Variants in CSF2RA observed in about 807,000 individuals in gnomAD.
CSF2RA encodes the protein granulocyte-macrophage colony-stimulating factor receptor subunit alpha.
A neutral mutation model predicts 51.6 loss-of-function variants in CSF2RA; 42 were observed. That is an observed-to-expected ratio of 0.81 (90% CI 0.64 to 1.05). The LOEUF (loss-of-function observed/expected upper bound fraction) is 1.05, where lower values mean the gene tolerates loss of function less well. Ranked by LOEUF, CSF2RA falls within the 50% of genes least tolerant of loss-of-function variation. The pLI, the probability that CSF2RA is intolerant of heterozygous loss-of-function variation, is 0.00. For missense variants in CSF2RA, 530 were observed against 501.1 expected (o/e 1.06, Z -0.55); for synonymous variants, 222 against 193.0 (o/e 1.15, Z -1.24).
chrX:1,317,025 C>G, the CSF2RA span, among the ~76,000 whole-genome samples: 1 of 151,952 alleles, frequency 6.6e-6, no homozygotes, highest in African/African-American at 2.4e-5. Flanking sequence ...CGGCTCACTG[C>G]AAGCTCCGCT....
chrX:1,285,541 A>G, intron 3 of CSF2RA: 1 of 571,404 alleles, frequency 1.8e-6, no homozygotes, highest in Non-Finnish European at 3.1e-6. Context: ...CTAAAAATAC[A>G]AAAATTAGCT....
intron 11 of CSF2RA, among the ~76,000 whole-genome samples, chrX:1,304,552 A>G (rs2083352875): frequency 1.3e-5 from 2 of 151,690 alleles, no homozygotes; most frequent in South Asian, 4.2e-4. Context: ...GGGAGTCTGA[A>G]GTCACTGCTG....
intron 2 of CSF2RA, among the ~76,000 whole-genome samples, chrX:1,279,551 G>T (rs28482952): frequency 0.31 from 46,311 of 150,850 alleles, 8,077 homozygotes; most frequent in Non-Finnish European, 0.4. Context: ...GGTGCCACAG[G>T]AGAGTCTGTC....
chrX:1,316,287 TAGATAGATAGATAGATAGAC>T, the CSF2RA span, among the ~76,000 whole-genome samples: 238 of 148,482 alleles, frequency 1.6e-3, no homozygotes, highest in African/African-American at 4.7e-3. Flanking sequence ...GATAGATAGA[TAGATAGATAGATAGATAGAC>T]AGACAGACAG....
Position 1,309,436 on chromosome X carries a change from A to G in CSF2RA, c.1160A>G (p.Lys387Arg), listed in dbSNP as rs1468402822. ...GAGGAATTCACCCCAGAGGAAGGGAAAGGCTACCGCGAAGAGGTCTTGACC... is the reference window on the plus strand; with the variant it reads ...GAGGAATTCACCCCAGAGGAAGGGAGAGGCTACCGCGAAGAGGTCTTGACC... The part of the protein sequence containing the change: ...IWEEFTPEEG[K>R]GYREEVLTVK... Residue 387 changes from lysine (K) to arginine (R), a missense_variant, in exon 13 of 13, where the codon AAA (lysine) becomes AGA (arginine). Coordinates refer to ENST00000381529, the MANE Select transcript of CSF2RA (RefSeq NM_172245.4). 1.9e-6 allele frequency: 3 copies of G among 1,613,870 alleles called. No individual in the cohort carries two copies. Among genetic ancestry groups the G allele is most frequent in the Non-Finnish European group, 2.5e-6 (3 of 1,179,874 alleles).
At chrX:1,292,053 A>T (rs1476090391) in intron 7 of CSF2RA, among the ~76,000 whole-genome samples, 3 of 136,882 alleles carry the variant, frequency 2.2e-5, no homozygotes, top group Non-Finnish European at 4.7e-5. Flanking sequence ...AGGAGACTGC[A>T]CCACCTCCAC....
intron 8 of CSF2RA, among the ~76,000 whole-genome samples, chrX:1,294,847 CCT>C (rs1491364503): frequency 2.0e-5 from 3 of 151,562 alleles, no homozygotes; most frequent in African/African-American, 7.3e-5. Context: ...CCCGACCCCA[CCT>C]CCACCTACAC....
At chrX:1,272,402 GT>G (rs1398853573) in intron 1 of CSF2RA, among the ~76,000 whole-genome samples, 2 of 151,806 alleles carry the variant, frequency 1.3e-5, no homozygotes, top group East Asian at 3.9e-4. Context: ...AGGTTATAGG[GT>G]TGGGGGGAAA....
intron 9 of CSF2RA, 114 bp from the exon 10 acceptor site, chrX:1,300,377 G>C (rs1417054639): frequency 3.0e-6 from 4 of 1,341,364 alleles, no homozygotes; most frequent in Non-Finnish European, 4.2e-6. Context: ...AAAAAAAGAA[G>C]AAAAAGAAAA....
At position 1,271,440 on chromosome X, in the gene CSF2RA, A is replaced by G. The variant is rs1373142690; in HGVS notation, c.-91+2561A>G. Among the ~76,000 whole-genome samples, 4 of 151,122 alleles carry G rather than the reference A, an allele frequency of 2.6e-5. 1 individual carries two copies. The highest frequency in any genetic ancestry group is 6.7e-5 in the Admixed American group (1 of 15,026). On this transcript the variant is annotated intron_variant, in intron 1 of 12. Coordinates refer to ENST00000381529, the MANE Select transcript of CSF2RA (RefSeq NM_172245.4). ...CTGCAACCTCCACCTCCCGGGTTCA[A>G]GCAATTCTCCTGCATTAGCCTCCTG...
At chrX:1,282,316 TA>T (rs1213362979) in intron 2 of CSF2RA, 1 of 277,920 alleles carries the variant, frequency 3.6e-6, no homozygotes, top group African/African-American at 2.1e-5. Context: ...TAACAGAAAG[TA>T]AAAGCTATGA....
At chrX:1,313,389 A>G (rs1474259750), downstream of CSF2RA, among the ~76,000 whole-genome samples, 22 of 152,160 alleles carry the variant, frequency 1.4e-4, no homozygotes, top group African/African-American at 5.3e-4. Context: ...AGCCAAGATC[A>G]CGCCACTGCA....
At chrX:1,286,239 C>T (rs1341490219) in intron 4 of CSF2RA, among the ~76,000 whole-genome samples, 2 of 151,928 alleles carry the variant, frequency 1.3e-5, no homozygotes, top group African/African-American at 4.8e-5. Flanking sequence ...TGCCATTGCA[C>T]TCCAGCCTGG....
At chrX:1,283,670 C>T (rs1296481873) in intron 3 of CSF2RA, among the ~76,000 whole-genome samples, 7 of 151,588 alleles carry the variant, frequency 4.6e-5, no homozygotes, top group African/African-American at 9.7e-5. Flanking sequence ...CGGGTTCAAG[C>T]GATTCTCCTG....
At chrX:1,287,388 G>C (rs778942600) in intron 4 of CSF2RA, among the ~76,000 whole-genome samples, 3 of 142,230 alleles carry the variant, frequency 2.1e-5, no homozygotes, top group South Asian at 2.3e-4. Flanking sequence ...TCCTGACCTC[G>C]TGATCCACCC....
At chrX:1,308,207 T>C (rs184393446) in intron 12 of CSF2RA, among the ~76,000 whole-genome samples, 31 of 152,226 alleles carry the variant, frequency 2.0e-4, no homozygotes, top group African/African-American at 7.2e-4. Context: ...CATGGTTTCA[T>C]TCAATAACTG....
chrX:1,288,907 T>G lies in CSF2RA; in HGVS notation c.473+19T>G, dbSNP rs777998490. ...ACTCAAAGTAAGTGTTCACCTCATGTGAAGAATTATGAGGAATGCAGGGAT... is the reference window on the plus strand; with the variant it reads ...ACTCAAAGTAAGTGTTCACCTCATGGGAAGAATTATGAGGAATGCAGGGAT... On this transcript the variant is annotated intron_variant, in intron 6 of 12. Transcript: ENST00000381529. 3 of 1,577,058 alleles carry G rather than the reference T, an allele frequency of 1.9e-6. No homozygotes were observed. In the East Asian group the frequency reaches 6.7e-5, roughly 35 times the overall value.
rs147264677 is a variant in CSF2RA at position 1,288,157 on chromosome X, A to C, written c.220-362A>C. ...CTTAGGGGGATGATTTCACAAAGGGAGGCAGGTGCGTGTCGCCAAATCCAG... is the reference window on the plus strand; with the variant it reads ...CTTAGGGGGATGATTTCACAAAGGGCGGCAGGTGCGTGTCGCCAAATCCAG... On this transcript the variant is annotated intron_variant, in intron 4 of 12. Coordinates refer to ENST00000381529, the MANE Select transcript of CSF2RA (RefSeq NM_172245.4). Among the ~76,000 whole-genome samples, 534 of 151,930 alleles carry C rather than the reference A, an allele frequency of 3.5e-3. 2 individuals are homozygous for C. Among genetic ancestry groups the C allele is most frequent in the African/African-American group, 0.012 (497 of 41,488 alleles).
At chrX:1,313,149 G>A (rs2084257200), downstream of CSF2RA, among the ~76,000 whole-genome samples, 1 of 152,154 alleles carries the variant, frequency 6.6e-6, no homozygotes, top group Non-Finnish European at 1.5e-5. Flanking sequence ...CAGAGGCCGG[G>A]CGTGGTAGCC....
Sources: allele counts gnomAD v4.1 joint callset (sites outside exome capture counted in the v4.1 genomes callset), GRCh38; gene constraint gnomAD v4.1.1; transcripts MANE v1.5; gene names NCBI Gene and HGNC (gene_info 2026-07-23, HGNC 2026-07-21).